Variants in TAL1 observed in about 807,000 individuals in gnomAD.
TAL1 encodes TAL bHLH transcription factor 1, erythroid differentiation factor, also known as T-cell acute lymphocytic leukemia protein 1.
A neutral mutation model predicts 17.9 loss-of-function variants in TAL1; 8 were observed. The ratio of observed to expected loss-of-function variants is 0.45; its 90% confidence interval spans 0.26 to 0.81. The LOEUF (loss-of-function observed/expected upper bound fraction) is 0.81. TAL1 is among the 30% of genes least tolerant of loss of function. TAL1 has a pLI of 0.17. For missense variants in TAL1, 466 were observed against 486.9 expected, an observed-to-expected ratio of 0.96 and a Z score of 0.40; for synonymous variants, 223 against 218.6, an observed-to-expected ratio of 1.02 and a Z score of -0.18.
exon 4 of TAL1, chr1:47,216,385 A>G (rs773166692): frequency 2.6e-5 from 6 of 227,188 alleles, no homozygotes; most frequent in Non-Finnish European, 5.3e-5. Flanking sequence ...CTAAAGAGTC[A>G]CACACCCACA....
exon 2 of TAL1, chr1:47,225,888 T>C (rs1643902841): frequency 2.6e-6 from 4 of 1,548,782 alleles, no homozygotes; most frequent in East Asian, 2.4e-5. Context: ...CGCTCGGTCA[T>C]CCTGTGGGCA....
chr1:47,232,030 C>CA (rs975669399), upstream of TAL1: 2 of 231,632 alleles, frequency 8.6e-6, no homozygotes, highest in Non-Finnish European at 1.7e-5. Flanking sequence ...CCGCCCCCCC[C>CA]GGCCATCGAA....
chr1:47,219,910 C>T, exon 4 of TAL1: 4 of 1,491,824 alleles, frequency 2.7e-6, no homozygotes, highest in Non-Finnish European at 3.6e-6. Flanking sequence ...CCCTCCCCCA[C>T]CTCCACCCCC....
chr1:47,225,487 G>C, exon 2 of TAL1: 2 of 1,235,270 alleles, frequency 1.6e-6, no homozygotes, highest in East Asian at 6.3e-5. Context: ...AGAGCAGCGC[G>C]CGGCCGGGGG....
chr1:47,224,040 T>C (rs1246936109), exon 3 of TAL1: 1 of 1,613,774 alleles, frequency 6.2e-7, no homozygotes, highest in African/African-American at 1.3e-5. Flanking sequence ...GAAGGTCTCC[T>C]CTTCACTCGA....
intron 3 of TAL1, among the ~76,000 whole-genome samples, chr1:47,221,796 C>T (rs1643816046): frequency 6.6e-6 from 1 of 152,212 alleles, no homozygotes; most frequent in Admixed American, 6.5e-5. Context: ...AGTGGTCAGT[C>T]TGTGAATCAG....
exon 4 of TAL1, chr1:47,218,075 C>T: frequency 3.6e-6 from 1 of 275,982 alleles, no homozygotes; most frequent in Non-Finnish European, 6.8e-6. Context: ...GGACAAGCCA[C>T]TAGGCTGAAG....
At chr1:47,229,583 A>C in exon 1 of TAL1, 1 of 164,278 alleles carries the variant, frequency 6.1e-6, no homozygotes, top group Non-Finnish European at 1.3e-5. Flanking sequence ...TACATGACCA[A>C]TCAGGAATAG....
At chr1:47,224,687 C>T (rs1643881298) in intron 2 of TAL1, among the ~76,000 whole-genome samples, 1 of 152,204 alleles carries the variant, frequency 6.6e-6, no homozygotes, top group South Asian at 2.1e-4. Flanking sequence ...TGCCCTCACC[C>T]ACCCTAAGCT....
At chr1:47,230,833 C>T (rs1643998749), upstream of TAL1, 4 of 152,168 alleles carry the variant, frequency 2.6e-5, no homozygotes, top group South Asian at 8.3e-4. Context: ...CCCACTAACC[C>T]GGTCCCTCCC....
At chr1:47,216,328 A>G (rs1484071793) in exon 4 of TAL1, 1 of 216,286 alleles carries the variant, frequency 4.6e-6, no homozygotes, top group Non-Finnish European at 9.3e-6. Context: ...TCTTCCCGAT[A>G]CATCCTCACA....
At chr1:47,217,316 G>A in exon 4 of TAL1, 1 of 390,130 alleles carries the variant, frequency 2.6e-6, no homozygotes, top group Non-Finnish European at 4.5e-6. Flanking sequence ...TGAGCCCAGA[G>A]TTCAAGGCTG....
In TAL1 at chr1:47,225,313, C is replaced by T. The variant is rs373530120; in HGVS notation, c.446+130G>A. The T allele has an allele frequency of 6.4e-5, 56 of 873,508 alleles. No homozygotes were observed. The South Asian group carries it at 2.9e-3, about 45-fold the overall frequency. The allele number at this position is 873,508 out of a possible 1,614,324, so 54.1% of individuals were successfully genotyped here. A position where few individuals can be genotyped will look rare whatever the true frequency, so the allele number is the denominator to read the frequency against. ...CTAGAGCCACTGGGTTTAAAACGACCTCCTCTCCCTGCGCTCCACCCGCTC... is the reference window on the plus strand; with the variant it reads ...CTAGAGCCACTGGGTTTAAAACGACTTCCTCTCCCTGCGCTCCACCCGCTC... On this transcript the variant is annotated intron_variant, in intron 2 of 3. Transcript: ENST00000294339.
chr1:47,217,730 A>G (rs990925164), exon 4 of TAL1: 1 of 398,550 alleles, frequency 2.5e-6, no homozygotes, highest in Non-Finnish European at 4.4e-6. Flanking sequence ...GATCCATCTC[A>G]TAAAACCCAT....
intron 1 of TAL1, chr1:47,228,949 A>C: frequency 6.1e-6 from 1 of 163,336 alleles, no homozygotes; most frequent in Non-Finnish European, 1.3e-5. Context: ...GACCAATGGG[A>C]AAGGCCTGGA....
chr1:47,224,140 G>T, intron 2 of TAL1, 42 bp from the exon 4 acceptor site: 1 of 1,596,670 alleles, frequency 6.3e-7, no homozygotes, highest in East Asian at 2.2e-5. Flanking sequence ...CCATGTTGAG[G>T]GGAGGGGAGA....
chr1:47,224,131 C>T, intron 2 of TAL1, 33 bp from the exon 4 acceptor site: 1 of 1,604,260 alleles, frequency 6.2e-7, no homozygotes, highest in Non-Finnish European at 8.5e-7. Context: ...CACAAGATCC[C>T]ATGTTGAGGG....
intron 1 of TAL1, chr1:47,228,648 G>A (rs1298965944): frequency 1.2e-5 from 2 of 170,922 alleles, no homozygotes; most frequent in African/African-American, 4.8e-5. Flanking sequence ...CCCAGCCTCT[G>A]GTCTCTCTTC....
chr1:47,219,161 C>T, exon 4 of TAL1: 1 of 426,142 alleles, frequency 2.3e-6, no homozygotes, highest in Non-Finnish European at 4.4e-6. Context: ...TCAACCAGGC[C>T]CTGAAGAAGG....
Sources: allele counts gnomAD v4.1 joint callset (sites outside exome capture counted in the v4.1 genomes callset), GRCh38; gene constraint gnomAD v4.1.1; transcripts MANE v1.5; gene names NCBI Gene and HGNC (gene_info 2026-07-23, HGNC 2026-07-21).